Variants in BABAM2 observed in about 807,000 individuals in gnomAD.
The protein encoded by BABAM2 is BRISC and BRCA1 A complex member 2, also known as BRISC and BRCA1-A complex member 2.
Under a neutral mutation model 54.7 loss-of-function variants are expected in BABAM2, and 31 were observed. The ratio of observed to expected loss-of-function variants is 0.57; its 90% CI spans 0.43 to 0.77. BABAM2 has a LOEUF of 0.77. Among genes scored for constraint, BABAM2 ranks in the 30% least tolerant of loss-of-function variants. The pLI is 0.00. For missense variants in BABAM2, 364 were observed against 455.8 expected, an observed-to-expected ratio of 0.80 and a Z score of 1.83; for synonymous variants, 167 against 162.9, an observed-to-expected ratio of 1.03 and a Z score of -0.19.
chr2:28,207,534 C>A (rs1306399564), intron 7 of BABAM2, among the ~76,000 whole-genome samples: 3 of 151,998 alleles, frequency 2.0e-5, no homozygotes, highest in Non-Finnish European at 4.4e-5. Context: ...GACAGCAAGA[C>A]CCTGTCTCAA....
At chr2:28,312,987 T>A (rs1042048256) in intron 11 of BABAM2, among the ~76,000 whole-genome samples, 2 of 152,134 alleles carry the variant, frequency 1.3e-5, no homozygotes, top group African/African-American at 4.8e-5. Flanking sequence ...ACCTCTGACC[T>A]CCTACGTTTC....
At chr2:28,008,959 A>G (rs1255727150) in intron 4 of BABAM2, among the ~76,000 whole-genome samples, 1 of 152,168 alleles carries the variant, frequency 6.6e-6, no homozygotes, top group Non-Finnish European at 1.5e-5. Context: ...GTCTGGAGAC[A>G]CAACCTGTAA....
chr2:28,034,135 G>A (rs1676492376), intron 5 of BABAM2, among the ~76,000 whole-genome samples: 1 of 152,158 alleles, frequency 6.6e-6, no homozygotes, highest in Non-Finnish European at 1.5e-5. Flanking sequence ...TCATCGTGCT[G>A]CAATATCATG....
chr2:28,328,354 A>G (rs981535230), intron 11 of BABAM2, among the ~76,000 whole-genome samples: 1 of 152,222 alleles, frequency 6.6e-6, no homozygotes, highest in Non-Finnish European at 1.5e-5. Flanking sequence ...TCACAGCTGC[A>G]GAAGAAAACT....
intron 6 of BABAM2, among the ~76,000 whole-genome samples, chr2:28,101,802 C>A (rs1667104811): frequency 6.6e-6 from 1 of 151,910 alleles, no homozygotes; most frequent in Non-Finnish European, 1.5e-5. Flanking sequence ...TTTTTTATTG[C>A]TCTAAGGCAA....
chr2:28,012,587 C>T (rs1296435307), intron 4 of BABAM2, among the ~76,000 whole-genome samples: 4 of 152,110 alleles, frequency 2.6e-5, no homozygotes, highest in South Asian at 2.1e-4. Context: ...AAGACAACAC[C>T]TATGGAAGAA....
At chr2:28,075,993 G>T (rs998930619) in intron 6 of BABAM2, among the ~76,000 whole-genome samples, 2 of 152,202 alleles carry the variant, frequency 1.3e-5, no homozygotes, top group Admixed American at 1.3e-4. Flanking sequence ...GCCAGGTGTG[G>T]CGGCTCATGC....
At chr2:28,076,458 A>T (rs879692075) in intron 6 of BABAM2, among the ~76,000 whole-genome samples, 1 of 140,134 alleles carries the variant, frequency 7.1e-6, no homozygotes, top group Non-Finnish European at 1.6e-5. Context: ...TTTTTATTTT[A>T]TATTTATTTA....
intron 7 of BABAM2, among the ~76,000 whole-genome samples, chr2:28,132,328 C>T (rs1485793711): frequency 6.6e-6 from 1 of 151,962 alleles, no homozygotes; most frequent in East Asian, 1.9e-4. Context: ...TTAGTAGAGA[C>T]GGGGTTTCAC....
intron 10 of BABAM2, among the ~76,000 whole-genome samples, chr2:28,289,066 G>T (rs957319343): frequency 6.8e-6 from 1 of 146,920 alleles, no homozygotes; most frequent in Non-Finnish European, 1.5e-5. Context: ...ATACACACGC[G>T]CACACACACA....
chr2:28,116,799 C>T (rs1573614365), intron 6 of BABAM2, among the ~76,000 whole-genome samples: 1 of 152,178 alleles, frequency 6.6e-6, no homozygotes, highest in Non-Finnish European at 1.5e-5. Flanking sequence ...CGTACATTTG[C>T]AAAAGCTGTG....
intron 4 of BABAM2, among the ~76,000 whole-genome samples, chr2:27,998,770 G>A (rs1450164103): frequency 6.6e-6 from 1 of 152,128 alleles, no homozygotes; most frequent in Non-Finnish European, 1.5e-5. Context: ...ACTAAAAAAA[G>A]CTATTAATTC....
chr2:28,105,026 TC>T (rs1338406212), intron 6 of BABAM2, among the ~76,000 whole-genome samples: 3 of 131,420 alleles, frequency 2.3e-5, no homozygotes, highest in African/African-American at 8.8e-5. Context: ...ACATCACACA[TC>T]GGGGCCTGTT....
At chr2:27,952,520 G>A (rs1558613823) in intron 3 of BABAM2, among the ~76,000 whole-genome samples, 1 of 152,156 alleles carries the variant, frequency 6.6e-6, no homozygotes, top group Non-Finnish European at 1.5e-5. Context: ...TAGGAAACTA[G>A]GTGCTTAATG....
intron 10 of BABAM2, among the ~76,000 whole-genome samples, chr2:28,248,112 G>A (rs1468593098): frequency 1.3e-5 from 2 of 151,906 alleles, no homozygotes; most frequent in Non-Finnish European, 2.9e-5. Flanking sequence ...ATTATTCATA[G>A]CAGTTGTATA....
intron 10 of BABAM2, among the ~76,000 whole-genome samples, chr2:28,250,045 T>C (rs879706711): frequency 2.0e-5 from 3 of 152,192 alleles, no homozygotes; most frequent in Non-Finnish European, 2.9e-5. Flanking sequence ...AGTAAAAGGC[T>C]ATGAATAGAG....
At chr2:28,147,459 T>A (rs1368583141) in intron 7 of BABAM2, among the ~76,000 whole-genome samples, 1 of 152,146 alleles carries the variant, frequency 6.6e-6, no homozygotes, top group African/African-American at 2.4e-5. Flanking sequence ...AAGTTATAAT[T>A]TTTCCCTTTA....
intron 7 of BABAM2, among the ~76,000 whole-genome samples, chr2:28,148,384 T>C (rs1327665450): frequency 6.6e-6 from 1 of 152,148 alleles, no homozygotes; most frequent in Non-Finnish European, 1.5e-5. Context: ...CCAAATTGTA[T>C]GTGTAGGTTG....
At chr2:28,219,692 A>G (rs975096754) in intron 7 of BABAM2, among the ~76,000 whole-genome samples, 4 of 152,086 alleles carry the variant, frequency 2.6e-5, no homozygotes, top group Non-Finnish European at 5.9e-5. Flanking sequence ...ATTACAAGCA[A>G]AGAAGCTTCA....
Sources: gnomAD v4.1 joint callset for allele counts (sites outside exome capture counted in the v4.1 genomes callset) on GRCh38, gnomAD v4.1.1 for gene constraint, MANE v1.5 for transcripts, NCBI Gene and HGNC (gene_info 2026-07-23, HGNC 2026-07-21) for gene names.